The following CACNA1C variants were observed in gnomAD, a reference collection of about 807,000 sequenced individuals.
CACNA1C encodes the protein calcium voltage-gated channel subunit alpha1 C, also known as voltage-dependent L-type calcium channel subunit alpha-1C.
Under a neutral mutation model 229.0 loss-of-function variants are expected in CACNA1C, and 30 were observed. The ratio of observed to expected loss-of-function variants is 0.13; its 90% confidence interval spans 0.10 to 0.18. CACNA1C has a LOEUF of 0.18. CACNA1C is among the 10% of genes least tolerant of loss of function. The probability of loss-of-function intolerance (pLI) is 1.00; values close to 1 mark genes in which losing one functional copy is unlikely to be tolerated. For synonymous variants in CACNA1C, 1,114 were observed against 1,132.5 expected (o/e 0.98, Z 0.33); for missense variants, 1,658 against 2,845.0 (o/e 0.58, Z 9.49).
upstream of CACNA1C, among the ~76,000 whole-genome samples, chr12:2,050,958 ACTG>A (rs2052054407): frequency 6.6e-6 from 1 of 152,216 alleles, no homozygotes; most frequent in Admixed American, 6.5e-5. Context: ...TGCTCTAGGC[ACTG>A]GTGAACAAAA....
intron 1 of CACNA1C, among the ~76,000 whole-genome samples, chr12:2,016,179 T>C (rs977890581): frequency 1.3e-5 from 2 of 152,228 alleles, no homozygotes; most frequent in Non-Finnish European, 2.9e-5. Flanking sequence ...CATTCATATA[T>C]TTGTTCATTT....
rs188852159 is a variant in CACNA1C at position 2,416,586 on chromosome 12, C to T, written c.478-32390C>T. On this transcript the variant is annotated intron_variant, in intron 3 of 46. Coordinates refer to ENST00000399655, the MANE Select transcript of CACNA1C (RefSeq NM_000719.7). The stretch of plus-strand genomic sequence containing the variant: ...TAAGTGGCAGCACCTGGCTCCAGAA[C>T]CAGTCTGTCTCCAGACTCTGGGCTC... Among the ~76,000 whole-genome samples the T allele has an allele frequency of 3.5e-3, 537 of 152,338 alleles. 2 individuals carry two copies. The highest frequency in any genetic ancestry group is 6.3e-3 in the Non-Finnish European group (431 of 68,030).
intron 9 of CACNA1C, among the ~76,000 whole-genome samples, chr12:2,540,544 A>T (rs917855467): frequency 4.6e-5 from 7 of 151,776 alleles, no homozygotes; most frequent in African/African-American, 1.7e-4. Context: ...CTCTACCGAA[A>T]CTCCTCCCCT....
intron 34 of CACNA1C, among the ~76,000 whole-genome samples, chr12:2,655,905 T>A (rs2095394768): frequency 6.6e-6 from 1 of 152,188 alleles, no homozygotes; most frequent in African/African-American, 2.4e-5. Context: ...CCTTTCATGA[T>A]AAAAACTCTC....
intron 3 of CACNA1C, among the ~76,000 whole-genome samples, chr12:2,154,997 C>T (rs1404014468): frequency 6.6e-6 from 1 of 152,208 alleles, no homozygotes; most frequent in Non-Finnish European, 1.5e-5. Context: ...TAGGTGCCGT[C>T]TATCTCTGTG....
intron 5 of CACNA1C, among the ~76,000 whole-genome samples, chr12:2,459,964 C>T (rs1368126684): frequency 6.6e-6 from 1 of 152,244 alleles, no homozygotes; most frequent in Non-Finnish European, 1.5e-5. Context: ...TAACAGTCAG[C>T]TTTTGCTGTG....
At chr12:2,652,231 T>C (rs540299718) in intron 32 of CACNA1C, among the ~76,000 whole-genome samples, 1 of 152,322 alleles carries the variant, frequency 6.6e-6, no homozygotes, top group South Asian at 2.1e-4. Flanking sequence ...GCACCTGTCA[T>C]GTCCTCGGCC....
chr12:2,211,253 A>G (rs1281242986), intron 3 of CACNA1C, among the ~76,000 whole-genome samples: 1 of 152,264 alleles, frequency 6.6e-6, no homozygotes, highest in African/African-American at 2.4e-5. Flanking sequence ...TGTAGTTTAC[A>G]GGATGCTACC....
At chr12:2,036,226 AG>A (rs1251054984) in intron 1 of CACNA1C, among the ~76,000 whole-genome samples, 1 of 152,242 alleles carries the variant, frequency 6.6e-6, no homozygotes, top group Non-Finnish European at 1.5e-5. Context: ...GACCTAGTCC[AG>A]AAAGCCATCT....
At chr12:2,662,479 T>C (rs2095814715) in intron 34 of CACNA1C, among the ~76,000 whole-genome samples, 1 of 152,236 alleles carries the variant, frequency 6.6e-6, no homozygotes, top group Admixed American at 6.5e-5. Flanking sequence ...AACTATACCA[T>C]TTTAAATGTA....
At chr12:2,255,812 C>A (rs991421168) in intron 3 of CACNA1C, among the ~76,000 whole-genome samples, 13 of 152,274 alleles carry the variant, frequency 8.5e-5, no homozygotes, top group Admixed American at 6.5e-5. Context: ...TACTAGTTTA[C>A]AATCACACGA....
upstream of CACNA1C, among the ~76,000 whole-genome samples, chr12:2,052,874 C>T (rs1310255435): frequency 6.9e-6 from 1 of 143,926 alleles, no homozygotes; most frequent in Non-Finnish European, 1.5e-5. Flanking sequence ...AAGCGTTCAG[C>T]GCGTCTGCCT....
chr12:2,340,373 C>T (rs567914378), intron 3 of CACNA1C, among the ~76,000 whole-genome samples: 1 of 152,344 alleles, frequency 6.6e-6, no homozygotes, highest in South Asian at 2.1e-4. Flanking sequence ...GTTTCTGACT[C>T]CTCACACCCA....
chr12:2,465,824 G>A (rs1330578764), intron 5 of CACNA1C, among the ~76,000 whole-genome samples: 1 of 152,088 alleles, frequency 6.6e-6, no homozygotes, highest in Admixed American at 6.5e-5. Context: ...GAGCCATACC[G>A]AAGCTGTCAC....
At chr12:2,353,890 A>G (rs1241320844) in intron 3 of CACNA1C, among the ~76,000 whole-genome samples, 2 of 152,266 alleles carry the variant, frequency 1.3e-5, no homozygotes, top group East Asian at 1.9e-4. Context: ...CTGGTCCCGA[A>G]TGCTGGGCTG....
chr12:2,677,083 A>T lies in CACNA1C; in HGVS notation c.4829-11A>T. The T allele has an allele frequency of 6.2e-7, 1 of 1,611,416 alleles. No homozygotes were observed. The highest frequency in any genetic ancestry group is 1.3e-5 in the African/African-American group (1 of 74,884). Reference sequence around the variant, plus strand: ...CCCTCTTACCCCCTCTCCCCTCTCCATACGTCTCAGATGATGAGGTCACCG... The same window carrying T: ...CCCTCTTACCCCCTCTCCCCTCTCCTTACGTCTCAGATGATGAGGTCACCG... On this transcript the variant is annotated splice_polypyrimidine_tract_variant and intron_variant, in intron 39 of 46. Transcript: ENST00000399655. This position sits in a 1 kb window ranked among gnomAD's most constrained non-coding sequence, Gnocchi z 7.4.
At chr12:2,528,103 C>T (rs2099827080) in intron 9 of CACNA1C, among the ~76,000 whole-genome samples, 1 of 152,172 alleles carries the variant, frequency 6.6e-6, no homozygotes, top group African/African-American at 2.4e-5. Context: ...ATGTTCCTCT[C>T]CCAACAGGAT....
intron 1 of CACNA1C, among the ~76,000 whole-genome samples, chr12:2,044,106 A>G (rs929130441): frequency 6.6e-6 from 1 of 152,224 alleles, no homozygotes; most frequent in African/African-American, 2.4e-5. Context: ...TCATTATGTA[A>G]GCAGGACCGA....
At chr12:2,435,416 G>A (rs2099124784) in intron 3 of CACNA1C, among the ~76,000 whole-genome samples, 1 of 152,230 alleles carries the variant, frequency 6.6e-6, no homozygotes, top group South Asian at 2.1e-4. Context: ...AGCATCTCCT[G>A]CCCTTTGTAA....
Sources: gnomAD v4.1 joint callset for allele counts (sites outside exome capture counted in the v4.1 genomes callset) on GRCh38, gnomAD v4.1.1 for gene constraint, Gnocchi (gnomAD v3.1) non-coding constraint, MANE v1.5 for transcripts, NCBI Gene and HGNC (gene_info 2026-07-23, HGNC 2026-07-21) for gene names.